DSCAM: variants seen among roughly 807,000 people sequenced by gnomAD.
DSCAM encodes the protein cell adhesion molecule DSCAM.
DSCAM carries 47 observed loss-of-function variants against 217.7 expected under a neutral mutation model. The ratio of observed to expected loss-of-function variants is 0.22; its 90% CI spans 0.17 to 0.28. The LOEUF (loss-of-function observed/expected upper bound fraction) is 0.28. Ranked by LOEUF, DSCAM falls within the 10% of genes least tolerant of loss-of-function variation. The pLI is 1.00. For synonymous variants in DSCAM, 1,056 were observed against 1,015.3 expected, an observed-to-expected ratio of 1.04 and a Z score of -0.76; for missense variants, 2,080 against 2,618.3, an observed-to-expected ratio of 0.79 and a Z score of 4.49.
intron 16 of DSCAM, among the ~76,000 whole-genome samples, chr21:40,160,634 A>G (rs1014626710): frequency 6.6e-6 from 1 of 152,156 alleles, no homozygotes; most frequent in African/African-American, 2.4e-5. Context: ...ATGTTGATGC[A>G]CTAAGAAAAC....
rs533788778 is a variant in DSCAM at position 40,111,342 on chromosome 21, A to T, written c.3696+12853T>A. On this transcript the variant is annotated intron_variant, in intron 20 of 32. Coordinates refer to ENST00000400454, the MANE Select transcript of DSCAM (RefSeq NM_001389.5). ...GCTTCATAAGTGAAGGAGAAATAAA[A>T]TACTTTACAGACAAGCAAATGCTGA... 4.6e-5 allele frequency among the ~76,000 whole-genome samples: 7 copies of T among 152,038 alleles called. No homozygotes were observed. The South Asian group carries it at 1.0e-3, about 23-fold the overall frequency.
At chr21:40,435,749 A>G (rs149769483) in intron 3 of DSCAM, among the ~76,000 whole-genome samples, 1 of 152,320 alleles carries the variant, frequency 6.6e-6, no homozygotes, top group East Asian at 1.9e-4. Flanking sequence ...CTCTATGCCT[A>G]TCCCTTTACC....
rs140655051 is a variant in DSCAM, at chr21:40,082,420, A to G, written c.4231+1488T>C. Among the ~76,000 whole-genome samples, 912 of 152,340 alleles carry G rather than the reference A, an allele frequency of 6.0e-3. 11 individuals carry two copies. The highest frequency in any genetic ancestry group is 0.021 in the African/African-American group (884 of 41,588). ...GGTTGCAGTGAGCCGAGATCGTGCC[A>G]CTGCACTCCGGCCTGGGCGACAGAG... On this transcript the variant is annotated intron_variant, in intron 24 of 32. Transcript: ENST00000400454.
At position 40,074,968 on chromosome 21, in the gene DSCAM, T is replaced by C. The variant is rs2089343044; in HGVS notation, c.4888+69A>G. 1.4e-5 allele frequency: 21 copies of C among 1,532,902 alleles called. No homozygotes were observed. The South Asian group carries it at 2.4e-4, about 18-fold the overall frequency. 95.0% of individuals were successfully genotyped at this position (1,532,902 alleles called of 1,614,324 possible). On this transcript the variant is annotated intron_variant, in intron 27 of 32. Transcript: ENST00000400454. ...TCCCTTTTGAGGTTTGTTCTCCAGC[T>C]GGCATCTCTCCCATTGGCTGCAGAG...
chr21:40,377,011 T>C (rs2074970449), intron 3 of DSCAM, among the ~76,000 whole-genome samples: 1 of 152,216 alleles, frequency 6.6e-6, no homozygotes, highest in African/African-American at 2.4e-5. Context: ...CATACTTGGA[T>C]AGTGTGTGCC....
At chr21:40,514,116 A>T (rs550655644) in intron 3 of DSCAM, among the ~76,000 whole-genome samples, 1 of 152,338 alleles carries the variant, frequency 6.6e-6, no homozygotes, top group South Asian at 2.1e-4. Flanking sequence ...AAATGTGCCA[A>T]AATGAAAGCA....
intron 3 of DSCAM, among the ~76,000 whole-genome samples, chr21:40,441,181 GA>G (rs1338527111): frequency 4.6e-5 from 7 of 152,296 alleles, no homozygotes; most frequent in African/African-American, 1.7e-4. Context: ...CAGGTTCCAA[GA>G]AGGAGGAAGT....
At chr21:40,394,800 C>T (rs879308815) in intron 3 of DSCAM, among the ~76,000 whole-genome samples, 4 of 152,054 alleles carry the variant, frequency 2.6e-5, no homozygotes, top group East Asian at 1.9e-4. Flanking sequence ...ACTGTAGAAC[C>T]GAAGGCATAC....
At chr21:40,442,558 C>T (rs1199935329) in intron 3 of DSCAM, among the ~76,000 whole-genome samples, 1 of 126,762 alleles carries the variant, frequency 7.9e-6, no homozygotes, top group Non-Finnish European at 1.6e-5. Context: ...CTCGCTCTGT[C>T]ACCCAGGCCG....
intron 3 of DSCAM, among the ~76,000 whole-genome samples, chr21:40,486,663 T>C (rs2076031018): frequency 6.6e-6 from 1 of 152,166 alleles, no homozygotes; most frequent in Admixed American, 6.5e-5. Flanking sequence ...ACACAGACCT[T>C]AATACAGCAC....
At position 40,198,460 on chromosome 21, in the gene DSCAM, G is replaced by C. The variant is rs563926865; in HGVS notation, c.2357-9222C>G. ...CCCCACCATCATCATACCCAGGCCA[G>C]GGTGGGGACGTGTAGTCAGGCCTCT... On this transcript the variant is annotated intron_variant, in intron 11 of 32. Coordinates refer to ENST00000400454, the MANE Select transcript of DSCAM (RefSeq NM_001389.5). Among the ~76,000 whole-genome samples, 6 of 152,294 alleles carry C rather than the reference G, an allele frequency of 3.9e-5. No individual in the cohort carries two copies. In the East Asian group the frequency reaches 9.7e-4, roughly 25 times the overall value.
chr21:40,061,198 A>C (rs1292667403), intron 28 of DSCAM, among the ~76,000 whole-genome samples: 1 of 152,208 alleles, frequency 6.6e-6, no homozygotes, highest in Non-Finnish European at 1.5e-5. Context: ...CAAAAAAATC[A>C]AAAGTCCATA....
chr21:40,217,382 T>G (rs980914976), intron 11 of DSCAM, among the ~76,000 whole-genome samples: 1 of 152,240 alleles, frequency 6.6e-6, no homozygotes, highest in Non-Finnish European at 1.5e-5. Flanking sequence ...ACTACATATA[T>G]GTATACATAT....
chr21:40,321,001 G>A (rs2074253485), intron 8 of DSCAM, among the ~76,000 whole-genome samples: 1 of 152,248 alleles, frequency 6.6e-6, no homozygotes, highest in South Asian at 2.1e-4. Flanking sequence ...AAAAGTTAAT[G>A]AGGGTGGATA....
chr21:40,753,481 A>C (rs1372186028), intron 1 of DSCAM, among the ~76,000 whole-genome samples: 1 of 152,238 alleles, frequency 6.6e-6, no homozygotes, highest in Non-Finnish European at 1.5e-5. Flanking sequence ...ACATTTATAC[A>C]AAGTGTCAAT....
At chr21:40,384,068 C>T (rs2123737479) in intron 3 of DSCAM, 1 of 152,426 alleles carries the variant, frequency 6.6e-6, no homozygotes, top group South Asian at 2.1e-4. Context: ...GCTTGGAGAT[C>T]ACAGCCAAGG....
chr21:40,268,944 G>C (rs1326692164), intron 11 of DSCAM, among the ~76,000 whole-genome samples: 1 of 152,080 alleles, frequency 6.6e-6, no homozygotes, highest in East Asian at 1.9e-4. Flanking sequence ...TCCACCTTCA[G>C]CTATCCTCCC....
intron 3 of DSCAM, among the ~76,000 whole-genome samples, chr21:40,579,854 G>T (rs1012590636): frequency 6.6e-6 from 1 of 151,786 alleles, no homozygotes; most frequent in Admixed American, 6.6e-5. Flanking sequence ...ATTTTTCTTT[G>T]GTACTAAGAG....
chr21:40,259,316 C>G (rs868629780), intron 11 of DSCAM, among the ~76,000 whole-genome samples: 72 of 151,694 alleles, frequency 4.7e-4, no homozygotes, highest in African/African-American at 1.7e-3. Context: ...GGAGGAAACA[C>G]ACCAAGCTTC....
Sources: gnomAD v4.1 joint callset for allele counts (sites outside exome capture counted in the v4.1 genomes callset) on GRCh38, gnomAD v4.1.1 for gene constraint, MANE v1.5 for transcripts, NCBI Gene and HGNC (gene_info 2026-07-23, HGNC 2026-07-21) for gene names.